Variants in PPARGC1A observed in about 807,000 individuals in gnomAD.
PPARGC1A encodes the protein peroxisome proliferator-activated receptor gamma coactivator 1-alpha.
A neutral mutation model predicts 88.7 loss-of-function variants in PPARGC1A; 25 were observed. That is an observed-to-expected ratio of 0.28 (90% confidence interval 0.21 to 0.39). The LOEUF is 0.39. Ranked by LOEUF, PPARGC1A falls within the 10% of genes least tolerant of loss-of-function variation. PPARGC1A has a pLI of 1.00. For synonymous variants in PPARGC1A, 363 were observed against 355.6 expected, an observed-to-expected ratio of 1.02 and a Z score of -0.24; for missense variants, 880 against 968.7, an observed-to-expected ratio of 0.91 and a Z score of 1.22.
At chr4:24,354,993 T>C in the PPARGC1A span, among the ~76,000 whole-genome samples, 2 of 152,036 alleles carry the variant, frequency 1.3e-5, no homozygotes, top group Non-Finnish European at 2.9e-5. Context: ...TAAACCAAAA[T>C]GGAAAAAATT....
chr4:23,811,329 C>A (rs76790452), intron 10 of PPARGC1A, among the ~76,000 whole-genome samples: 1 of 42,886 alleles, frequency 2.3e-5, no homozygotes. Context: ...CCTTTACAGT[C>A]AAAAATCATT....
chr4:24,087,410 T>C, the PPARGC1A span, among the ~76,000 whole-genome samples: 1 of 152,192 alleles, frequency 6.6e-6, no homozygotes, highest in Non-Finnish European at 1.5e-5. Flanking sequence ...AGATAGACAG[T>C]ATTTCTAGAC....
the PPARGC1A span, among the ~76,000 whole-genome samples, chr4:23,957,291 G>A: frequency 5.3e-5 from 8 of 152,024 alleles, no homozygotes; most frequent in South Asian, 2.1e-4. Flanking sequence ...AATGCCAACA[G>A]AGTCATTTTG....
At chr4:24,082,620 A>G in the PPARGC1A span, among the ~76,000 whole-genome samples, 15 of 151,820 alleles carry the variant, frequency 9.9e-5, no homozygotes, top group Non-Finnish European at 1.5e-4. Flanking sequence ...TTCTTTTGAC[A>G]TTTTTTTTCA....
intron 1 of PPARGC1A, among the ~76,000 whole-genome samples, chr4:23,889,685 G>T (rs1264544329): frequency 6.6e-6 from 1 of 152,174 alleles, no homozygotes; most frequent in Non-Finnish European, 1.5e-5. Context: ...AGATACTGAT[G>T]ACAGCAGCTA....
At chr4:23,861,551 T>C (rs1437621129) in intron 2 of PPARGC1A, among the ~76,000 whole-genome samples, 2 of 152,202 alleles carry the variant, frequency 1.3e-5, no homozygotes, top group Non-Finnish European at 2.9e-5. Flanking sequence ...CCATTATCCC[T>C]GCTTATAATG....
the PPARGC1A span, among the ~76,000 whole-genome samples, chr4:24,200,671 A>AAAAAAAAAAAAAT: frequency 4.6e-4 from 68 of 146,628 alleles, 1 homozygote; most frequent in Non-Finnish European, 7.8e-4. Flanking sequence ...AAAAAAAAAA[A>AAAAAAAAAAAAAT]CTCCAGTAGA....
At chr4:24,440,477 C>T in the PPARGC1A span, among the ~76,000 whole-genome samples, 5 of 152,266 alleles carry the variant, frequency 3.3e-5, no homozygotes, top group Admixed American at 1.3e-4. Flanking sequence ...TGCCTCCCAC[C>T]GACATATTTA....
At chr4:24,439,535 T>A in the PPARGC1A span, among the ~76,000 whole-genome samples, 1 of 152,180 alleles carries the variant, frequency 6.6e-6, no homozygotes, top group Non-Finnish European at 1.5e-5. Context: ...CACTGACTAT[T>A]TATAATGTTT....
the PPARGC1A span, among the ~76,000 whole-genome samples, chr4:24,401,732 C>T: frequency 6.6e-6 from 1 of 152,290 alleles, no homozygotes; most frequent in South Asian, 2.1e-4. Flanking sequence ...AACCAAGCTA[C>T]TTAATCTCTC....
chr4:23,927,748 GA>G, the PPARGC1A span, among the ~76,000 whole-genome samples: 1 of 152,130 alleles, frequency 6.6e-6, no homozygotes, highest in Non-Finnish European at 1.5e-5. Context: ...CATCAGAAGG[GA>G]TGGAATCTTG....
At chr4:24,091,693 G>C in the PPARGC1A span, 12 of 962,168 alleles carry the variant, frequency 1.2e-5, no homozygotes, top group Non-Finnish European at 1.5e-5. Flanking sequence ...AGAACCCACC[G>C]GGGAACAAAT....
At chr4:24,470,356 GC>G in the PPARGC1A span, among the ~76,000 whole-genome samples, 1 of 148,074 alleles carries the variant, frequency 6.8e-6, no homozygotes, top group African/African-American at 2.5e-5. This position sits in a 1 kb window ranked among gnomAD's most constrained non-coding sequence, Gnocchi z 5.8. Flanking sequence ...GCGGACGCCC[GC>G]TCCTGGAGAG....
At chr4:24,047,751 T>C in the PPARGC1A span, among the ~76,000 whole-genome samples, 1 of 152,122 alleles carries the variant, frequency 6.6e-6, no homozygotes, top group Non-Finnish European at 1.5e-5. Flanking sequence ...ACCAGGCCTA[T>C]CTCAGGCCAT....
chr4:24,063,992 G>A, the PPARGC1A span, among the ~76,000 whole-genome samples: 11 of 151,984 alleles, frequency 7.2e-5, no homozygotes, highest in East Asian at 3.9e-4. Flanking sequence ...ATCTGTGTTC[G>A]AGACTCTGGA....
the PPARGC1A span, among the ~76,000 whole-genome samples, chr4:24,320,300 C>A: frequency 1.3e-5 from 2 of 152,124 alleles, no homozygotes; most frequent in African/African-American, 4.8e-5. Context: ...TTTGTATCTC[C>A]TTTTTTATTC....
At chr4:24,168,041 C>T in the PPARGC1A span, among the ~76,000 whole-genome samples, 4 of 152,300 alleles carry the variant, frequency 2.6e-5, no homozygotes, top group South Asian at 8.3e-4. Flanking sequence ...AGGCATGAGC[C>T]ACCACACTCA....
At chr4:24,436,747 C>T in the PPARGC1A span, among the ~76,000 whole-genome samples, 1 of 140,334 alleles carries the variant, frequency 7.1e-6, no homozygotes, top group Non-Finnish European at 1.5e-5. Context: ...GCCCGGGTCA[C>T]AGAGCTGACA....
the PPARGC1A span, among the ~76,000 whole-genome samples, chr4:24,373,379 G>C: frequency 1.3e-5 from 2 of 152,156 alleles, no homozygotes; most frequent in African/African-American, 4.8e-5. Context: ...TCAGCACAAA[G>C]CTGTGAGTAA....
Sources: gnomAD v4.1 joint callset for allele counts (sites outside exome capture counted in the v4.1 genomes callset) on GRCh38, gnomAD v4.1.1 for gene constraint, Gnocchi (gnomAD v3.1) non-coding constraint, MANE v1.5 for transcripts, NCBI Gene and HGNC (gene_info 2026-07-23, HGNC 2026-07-21) for gene names.